Variants in STK32B observed in about 807,000 individuals in gnomAD.
STK32B encodes serine/threonine-protein kinase 32B.
In STK32B, 43 loss-of-function variants were observed where a neutral mutation model predicts 52.6. The ratio of observed to expected loss-of-function variants is 0.82; its 90% CI spans 0.64 to 1.05. The LOEUF is 1.05. Ranked by LOEUF, STK32B falls within the 50% of genes least tolerant of loss-of-function variation. The pLI is 0.00. For synonymous variants in STK32B, 238 were observed against 204.3 expected (o/e 1.17, Z -1.41); for missense variants, 621 against 534.6 (o/e 1.16, Z -1.59).
chr4:5,194,053 C>G (rs1355011963), intron 3 of STK32B, among the ~76,000 whole-genome samples: 2 of 152,216 alleles, frequency 1.3e-5, no homozygotes, highest in African/African-American at 4.8e-5. Context: ...GGGAGGCCGT[C>G]CCAAACCATC....
chr4:5,087,142 AAT>A (rs1386051666), intron 1 of STK32B, among the ~76,000 whole-genome samples: 1 of 152,196 alleles, frequency 6.6e-6, no homozygotes, highest in Non-Finnish European at 1.5e-5. Context: ...ATAAAGCTAT[AAT>A]ATGTGGTAAA....
chr4:5,057,311 G>A (rs976178338), intron 1 of STK32B, among the ~76,000 whole-genome samples: 1 of 152,198 alleles, frequency 6.6e-6, no homozygotes, highest in Non-Finnish European at 1.5e-5. Context: ...CTTGAGCAGA[G>A]AACTGGTTTT....
intron 2 of STK32B, among the ~76,000 whole-genome samples, chr4:5,146,560 A>G (rs895810389): frequency 2.8e-4 from 43 of 152,220 alleles, no homozygotes; most frequent in Non-Finnish European, 3.4e-4. Flanking sequence ...CTTCCTGAGG[A>G]TGGGTCTTCT....
At chr4:5,138,566 A>T (rs1716217188) in intron 1 of STK32B, among the ~76,000 whole-genome samples, 1 of 152,234 alleles carries the variant, frequency 6.6e-6, no homozygotes, top group South Asian at 2.1e-4. Context: ...ATTGAACAGT[A>T]ACTGTGTACT....
intron 3 of STK32B, among the ~76,000 whole-genome samples, chr4:5,290,325 A>G (rs1394725496): frequency 6.6e-6 from 1 of 152,216 alleles, no homozygotes; most frequent in Non-Finnish European, 1.5e-5. Flanking sequence ...CACAACGTAA[A>G]ACACAAACAT....
intron 4 of STK32B, among the ~76,000 whole-genome samples, chr4:5,336,181 C>T (rs372613989): frequency 6.7e-6 from 1 of 149,142 alleles, no homozygotes; most frequent in Non-Finnish European, 1.5e-5. Context: ...CCCACACACA[C>T]ACAACTGAGA....
At chr4:5,216,258 C>A (rs1395644080) in intron 3 of STK32B, among the ~76,000 whole-genome samples, 8 of 152,102 alleles carry the variant, frequency 5.3e-5, no homozygotes, top group Non-Finnish European at 1.2e-4. Context: ...GTCTGGGGAG[C>A]CACACTTTAA....
chr4:5,362,182 G>A lies in STK32B; in HGVS notation c.434+30789G>A, dbSNP rs1039120666. On this transcript the variant is annotated intron_variant, in intron 4 of 11. Transcript: ENST00000282908. The stretch of plus-strand genomic sequence containing the variant: ...GGAACTCTCCGTGGTGCTGAAAATA[G>A]ACATTTTACTTGTGTTCCTCGATTT... 5.9e-5 allele frequency among the ~76,000 whole-genome samples: 9 copies of A among 152,144 alleles called. No homozygotes were observed. In the East Asian group the frequency reaches 1.7e-3, roughly 29 times the overall value.
In STK32B at chr4:5,291,818, A is replaced by G. The variant is rs1244372577; in HGVS notation, c.261-39402A>G. Among the ~76,000 whole-genome samples the G allele has an allele frequency of 2.6e-5, 4 of 152,062 alleles. No homozygotes were observed. The East Asian group carries it at 7.7e-4, about 29-fold the overall frequency. On this transcript the variant is annotated intron_variant, in intron 3 of 11. Transcript: ENST00000282908. ...TTTGTTTGTTTGTTTGTTTTTTCAT[A>G]GATGCCCTTTATTAAGTTGAGGAAA...
At chr4:5,036,664 T>G in the STK32B span, among the ~76,000 whole-genome samples, 1 of 138,196 alleles carries the variant, frequency 7.2e-6, no homozygotes, top group East Asian at 2.1e-4. Context: ...GGTGGATTTT[T>G]TTTTTTTTTT....
chr4:5,042,859 C>A, the STK32B span, among the ~76,000 whole-genome samples: 1 of 152,052 alleles, frequency 6.6e-6, no homozygotes, highest in African/African-American at 2.4e-5. Context: ...GTAATCCCAG[C>A]ACTTTGGGAG....
chr4:5,281,681 A>C (rs1728208856), intron 3 of STK32B, among the ~76,000 whole-genome samples: 2 of 152,236 alleles, frequency 1.3e-5, no homozygotes, highest in Non-Finnish European at 2.9e-5. Flanking sequence ...TAAACTCAGC[A>C]ACAAAGTTGA....
At chr4:5,203,214 C>T (rs1002059463) in intron 3 of STK32B, among the ~76,000 whole-genome samples, 1 of 152,074 alleles carries the variant, frequency 6.6e-6, no homozygotes, top group Non-Finnish European at 1.5e-5. Context: ...AAAAGAGCAT[C>T]CCCCATCTCA....
chr4:5,072,938 C>A (rs537420329), intron 1 of STK32B, among the ~76,000 whole-genome samples: 54 of 152,150 alleles, frequency 3.5e-4, no homozygotes, highest in Middle Eastern at 3.4e-3. Flanking sequence ...GATGAATTGA[C>A]CCTTTATCAT....
At chr4:5,247,731 A>G (rs1258488079) in intron 3 of STK32B, among the ~76,000 whole-genome samples, 1 of 151,918 alleles carries the variant, frequency 6.6e-6, no homozygotes, top group East Asian at 1.9e-4. Flanking sequence ...TTTGATTATA[A>G]ATTCTTAGGG....
chr4:5,153,265 C>G (rs990970060), intron 2 of STK32B, among the ~76,000 whole-genome samples: 2 of 152,154 alleles, frequency 1.3e-5, no homozygotes, highest in African/African-American at 2.4e-5. Flanking sequence ...TTGGGGAGGT[C>G]TGGCTCTGGG....
At chr4:5,129,184 C>T (rs1198257980) in intron 1 of STK32B, among the ~76,000 whole-genome samples, 1 of 152,184 alleles carries the variant, frequency 6.6e-6, no homozygotes, top group Admixed American at 6.5e-5. Flanking sequence ...AACTCCAATC[C>T]ACTCAGGAAT....
At chr4:5,130,432 A>G (rs1246733165) in intron 1 of STK32B, among the ~76,000 whole-genome samples, 2 of 152,062 alleles carry the variant, frequency 1.3e-5, no homozygotes, top group South Asian at 2.1e-4. Flanking sequence ...ATGCCATGCT[A>G]CTGAAGAATC....
chr4:5,100,684 A>C (rs369193487), intron 1 of STK32B, among the ~76,000 whole-genome samples: 178 of 13,022 alleles, frequency 0.014, 4 homozygotes, highest in African/African-American at 0.034. Flanking sequence ...TTCCTTTCTT[A>C]CTTTCTTTCT....
Sources: allele counts gnomAD v4.1 joint callset (sites outside exome capture counted in the v4.1 genomes callset), GRCh38; gene constraint gnomAD v4.1.1; transcripts MANE v1.5; gene names NCBI Gene and HGNC (gene_info 2026-07-23, HGNC 2026-07-21).